Variants in RYR3 observed in about 807,000 individuals in gnomAD.
The protein encoded by RYR3 is brain ryanodine receptor-calcium release channel.
A neutral mutation model predicts 584.3 loss-of-function variants in RYR3; 207 were observed. The ratio of observed to expected loss-of-function variants is 0.35; its 90% CI spans 0.32 to 0.40. The LOEUF (loss-of-function observed/expected upper bound fraction) is 0.40, where lower values mean the gene tolerates loss of function less well. Ranked by LOEUF, RYR3 falls within the 10% of genes least tolerant of loss-of-function variation. RYR3 has a pLI of 1.00. For synonymous variants in RYR3, 2,416 were observed against 2,248.5 expected, an observed-to-expected ratio of 1.07 and a Z score of -2.11; for missense variants, 5,616 against 6,089.2, an observed-to-expected ratio of 0.92 and a Z score of 2.59.
At position 33,667,406 on chromosome 15, in the gene RYR3, A is replaced by G. The variant is rs142610160; in HGVS notation, c.5620-1948A>G. On this transcript the variant is annotated intron_variant, in intron 36 of 103. Coordinates refer to ENST00000634891, the MANE Select transcript of RYR3 (RefSeq NM_001036.6). ...GATCTCTGATAGCATTTCTTTTCTTATTTTAATATTGGCAGCAAAACAAGT... is the reference window on the plus strand; with the variant it reads ...GATCTCTGATAGCATTTCTTTTCTTGTTTTAATATTGGCAGCAAAACAAGT... Among the ~76,000 whole-genome samples, 143 of 152,272 alleles carry G rather than the reference A, an allele frequency of 9.4e-4. 1 individual carries two copies. Among genetic ancestry groups the G allele is most frequent in the African/African-American group, 3.4e-3 (141 of 41,568 alleles).
chr15:33,501,766 T>A (rs2052010021), intron 2 of RYR3, among the ~76,000 whole-genome samples: 1 of 152,226 alleles, frequency 6.6e-6, no homozygotes, highest in South Asian at 2.1e-4. Flanking sequence ...GTATGCTATT[T>A]GTAATAATGC....
intron 100 of RYR3, among the ~76,000 whole-genome samples, chr15:33,860,137 A>G (rs1212907549): frequency 1.3e-5 from 2 of 152,128 alleles, no homozygotes; most frequent in South Asian, 4.1e-4. Flanking sequence ...CAGCTTGTCA[A>G]GATTGGAGAA....
At position 33,841,958 on chromosome 15, in the gene RYR3, G is replaced by A; in HGVS notation, c.13132G>A (p.Gly4378Ser). The A allele has an allele frequency of 6.2e-7, 1 of 1,602,548 alleles. No homozygotes were observed. The highest frequency in any genetic ancestry group is 8.5e-7 in the Non-Finnish European group (1 of 1,174,482). The change falls in exon 91 of 104, where the codon GGT becomes AGT. Residue 4378 changes from glycine (G) to serine (S), a missense_variant. By Grantham distance (56) the Gly-to-Ser change is moderately conservative. Around this residue, in one of 9 missense-constraint regions of RYR3, gnomAD observed 918 missense variants for 887.4 expected, o/e 1.03. Coordinates refer to ENST00000634891, the MANE Select transcript of RYR3 (RefSeq NM_001036.6). Reference protein sequence around the residue: ...EVTKKKKRRCGQKVEKPEAFT... With the variant: ...EVTKKKKRRCSQKVEKPEAFT... The stretch of plus-strand genomic sequence containing the variant: ...GACAAAAAAGAAGAAGCGGCGGTGT[G>A]GTCAGAAGGTTGAGAAGCCGGAAGC...
At position 33,863,534 on chromosome 15, in the gene RYR3, T is replaced by G. The variant is rs1234767842; in HGVS notation, c.14466-604T>G. On this transcript the variant is annotated intron_variant, in intron 102 of 103. Coordinates refer to ENST00000634891, the MANE Select transcript of RYR3 (RefSeq NM_001036.6). ...AAACGGTCTCTGAGATCATATAATG[T>G]GAGCTGAGAGTTCAGCCCCTGCCCC... Among the ~76,000 whole-genome samples the G allele has an allele frequency of 3.3e-5, 5 of 152,314 alleles. No homozygotes were observed. The East Asian group carries it at 5.8e-4, about 18-fold the overall frequency.
chr15:33,861,351 G>GTGTTGTGGACAAT (rs1412753903), intron 102 of RYR3, among the ~76,000 whole-genome samples, 173 bp downstream of exon 102: 82 of 152,272 alleles, frequency 5.4e-4, no homozygotes, highest in African/African-American at 1.9e-3. Flanking sequence ...TGATAGACGT[G>GTGTTGTGGACAAT]TGTTGTGGAC....
At chr15:33,528,551 T>A (rs2054586029) in intron 3 of RYR3, among the ~76,000 whole-genome samples, 2 of 152,210 alleles carry the variant, frequency 1.3e-5, no homozygotes, top group African/African-American at 4.8e-5. Context: ...ACATCATTTT[T>A]ATACACAAAT....
rs1001110669 is a variant in RYR3, at chr15:33,470,660, C to G, written c.52-2759C>G. 7.9e-4 allele frequency among the ~76,000 whole-genome samples: 120 copies of G among 152,112 alleles called. 1 individual carries two copies. The highest frequency in any genetic ancestry group is 2.8e-3 in the African/African-American group (114 of 41,422). On this transcript the variant is annotated intron_variant, in intron 1 of 103. Transcript: ENST00000634891. The stretch of plus-strand genomic sequence containing the variant: ...GAAGTGGGATCATTCTAGGTTATGA[C>G]ATGGAAGGTTCATGATAGTGTGCTA...
intron 10 of RYR3, 54 bp from the exon 11 acceptor site, chr15:33,562,783 G>C: frequency 7.4e-7 from 1 of 1,348,894 alleles, no homozygotes; most frequent in South Asian, 1.2e-5. Flanking sequence ...TGTATATTGA[G>C]CTTCTAATTT....
chr15:33,672,354 G>A (rs544903042), intron 38 of RYR3, among the ~76,000 whole-genome samples: 1 of 152,150 alleles, frequency 6.6e-6, no homozygotes, highest in African/African-American at 2.4e-5. Context: ...GGCAAAACAC[G>A]CACACCCGAG....
chr15:33,716,977 A>T (rs542996436), intron 43 of RYR3, among the ~76,000 whole-genome samples: 1 of 152,200 alleles, frequency 6.6e-6, no homozygotes. Context: ...GAGAATGCCC[A>T]TATTTTGTCA....
At chr15:33,377,472 C>T (rs2040838617) in intron 1 of RYR3, among the ~76,000 whole-genome samples, 1 of 152,190 alleles carries the variant, frequency 6.6e-6, no homozygotes. Flanking sequence ...ATATGACTCA[C>T]CCTAACAGCA....
At chr15:33,750,668 C>T (rs547519285) in intron 57 of RYR3, among the ~76,000 whole-genome samples, 1 of 152,268 alleles carries the variant, frequency 6.6e-6, no homozygotes, top group African/African-American at 2.4e-5. Context: ...ATTTGGGCTT[C>T]TTTAAAGAGT....
chr15:33,528,556 A>C (rs188904815), intron 3 of RYR3, among the ~76,000 whole-genome samples: 207 of 152,240 alleles, frequency 1.4e-3, no homozygotes, highest in African/African-American at 4.8e-3. Flanking sequence ...ATTTTTATAC[A>C]CAAATCTCAT....
At chr15:33,734,694 T>C (rs1205969126) in intron 48 of RYR3, among the ~76,000 whole-genome samples, 24 of 144,354 alleles carry the variant, frequency 1.7e-4, no homozygotes, top group East Asian at 2.0e-4. Flanking sequence ...TTTTCTTTTT[T>C]TTTTTTTTTT....
At chr15:33,765,493 C>T (rs886749324) in intron 60 of RYR3, among the ~76,000 whole-genome samples, 4 of 151,890 alleles carry the variant, frequency 2.6e-5, no homozygotes, top group Non-Finnish European at 4.4e-5. Context: ...GTTAGCCGGG[C>T]ATGGTAGCAC....
intron 48 of RYR3, among the ~76,000 whole-genome samples, chr15:33,733,667 TTAAA>T (rs145158551): frequency 0.017 from 2,662 of 152,288 alleles, 77 homozygotes; most frequent in African/African-American, 0.061. Flanking sequence ...ATGTATGTCA[TTAAA>T]TACTTGTCCA....
intron 11 of RYR3, among the ~76,000 whole-genome samples, chr15:33,565,050 T>A (rs1222259310): frequency 2.0e-5 from 3 of 152,186 alleles, no homozygotes; most frequent in Non-Finnish European, 4.4e-5. Flanking sequence ...TCTTTCCTAT[T>A]CCTATCTTAG....
chr15:33,831,801 C>G (rs935653269), intron 86 of RYR3, among the ~76,000 whole-genome samples: 1 of 151,888 alleles, frequency 6.6e-6, no homozygotes, highest in Non-Finnish European at 1.5e-5. Context: ...TTTTTTAAAG[C>G]AAAAGTAATA....
Position 33,603,321 on chromosome 15 carries a change from C to T in RYR3, c.2121C>T (p.Asp707=), listed in dbSNP as rs369220734. Residue 707 remains aspartate, a synonymous_variant, in exon 18 of 104, where the codon GAC becomes GAT. Coordinates refer to ENST00000634891, the MANE Select transcript of RYR3 (RefSeq NM_001036.6). ...GATGGGGAGGCAATGGTGTTGGTGACGACCTGTACTCCTATGGCTTTGATG... is the reference window on the plus strand; with the variant it reads ...GATGGGGAGGCAATGGTGTTGGTGATGACCTGTACTCCTATGGCTTTGATG... ...GEGWGGNGVG[D]DLYSYGFDGL... is the part of the protein sequence containing the mutation. The T allele has an allele frequency of 1.7e-5, 27 of 1,612,130 alleles. No individual in the cohort carries two copies. Among genetic ancestry groups the T allele is most frequent in the East Asian group, 1.1e-4 (5 of 44,862 alleles).
Sources: gnomAD v4.1 joint callset for allele counts (sites outside exome capture counted in the v4.1 genomes callset) on GRCh38, gnomAD v4.1.1 for gene constraint, gnomAD v4.1.1 regional missense constraint, MANE v1.5 for transcripts, NCBI Gene and HGNC (gene_info 2026-07-23, HGNC 2026-07-21) for gene names.